MEI4: variants seen among roughly 807,000 people sequenced by gnomAD.
The protein encoded by MEI4 is meiosis-specific protein MEI4.
A neutral mutation model predicts 31.4 loss-of-function variants in MEI4; 27 were observed. The observed-to-expected ratio is 0.86, with a 90% confidence interval of 0.63 to 1.19. The LOEUF is 1.19. MEI4 is among the 50% of genes most tolerant of loss of function. The pLI, the probability that MEI4 is intolerant of heterozygous loss-of-function variation, is 0.00. For missense variants in MEI4, 329 were observed against 398.9 expected (o/e 0.82, Z 1.49); for synonymous variants, 122 against 145.4 (o/e 0.84, Z 1.16).
intron 1 of MEI4, among the ~76,000 whole-genome samples, chr6:77,662,479 A>G (rs1353371821): frequency 6.6e-6 from 1 of 152,210 alleles, no homozygotes; most frequent in African/African-American, 2.4e-5. Flanking sequence ...GAGACTCAAC[A>G]AAGAGTGAGT....
intron 2 of MEI4, among the ~76,000 whole-genome samples, chr6:77,707,889 G>T (rs982510506): frequency 6.6e-6 from 1 of 152,244 alleles, no homozygotes; most frequent in Non-Finnish European, 1.5e-5. Context: ...TACAATGGAA[G>T]AGTGAAGGAG....
chr6:77,872,464 A>G (rs1007311633), intron 4 of MEI4, among the ~76,000 whole-genome samples: 11 of 152,138 alleles, frequency 7.2e-5, no homozygotes, highest in African/African-American at 2.7e-4. Context: ...TCTAAAAATA[A>G]ATAAATGAAT....
intron 4 of MEI4, among the ~76,000 whole-genome samples, chr6:77,899,972 C>A (rs867089550): frequency 6.7e-6 from 1 of 150,008 alleles, no homozygotes; most frequent in Non-Finnish European, 1.5e-5. Flanking sequence ...TTGGGCTGAT[C>A]AAGAATTTTT....
At chr6:77,835,763 A>G (rs1770205115) in intron 4 of MEI4, among the ~76,000 whole-genome samples, 1 of 152,090 alleles carries the variant, frequency 6.6e-6, no homozygotes, top group African/African-American at 2.4e-5. Context: ...TGGATATAAC[A>G]TAAATTTCTA....
chr6:77,814,862 C>T (rs986340107), intron 3 of MEI4, among the ~76,000 whole-genome samples: 12 of 152,002 alleles, frequency 7.9e-5, no homozygotes, highest in South Asian at 4.1e-4. Flanking sequence ...TCTGTGATTC[C>T]GTGTTTCTTT....
At chr6:77,730,912 A>C (rs1766969129) in intron 2 of MEI4, among the ~76,000 whole-genome samples, 2 of 151,732 alleles carry the variant, frequency 1.3e-5, no homozygotes, top group South Asian at 4.2e-4. Flanking sequence ...TTTACTGAGA[A>C]TGCTGATTTC....
rs547650160 is a variant in MEI4 at position 77,658,412 on chromosome 6, G to A, written c.-15+5320G>A. On this transcript the variant is annotated intron_variant, in intron 1 of 4. Transcript: ENST00000684080. ...TACTTTAGGCCATCTGGATGTATAC[G>A]TGCAAGTCACAGGGGATGCGATGGC... Among the ~76,000 whole-genome samples, 97 of 152,206 alleles carry A rather than the reference G, an allele frequency of 6.4e-4. 1 individual carries two copies. Among genetic ancestry groups the A allele is most frequent in the African/African-American group, 2.2e-3 (92 of 41,536 alleles).
intron 2 of MEI4, among the ~76,000 whole-genome samples, chr6:77,701,737 A>T (rs1766228513): frequency 6.6e-6 from 1 of 152,148 alleles, no homozygotes; most frequent in African/African-American, 2.4e-5. Flanking sequence ...AAGTAAGAAA[A>T]AATCAAACTA....
Position 77,795,399 on chromosome 6 carries a change from A to G in MEI4, c.769-33532A>G, listed in dbSNP as rs546589107. ...TTCTTACAGTCATGCATGCACTCAC[A>G]TCAAAATACAAGCCTTTTGTCCTAC... On this transcript the variant is annotated intron_variant, in intron 3 of 4. Transcript: ENST00000684080. 1.1e-4 allele frequency among the ~76,000 whole-genome samples: 17 copies of G among 152,244 alleles called. 1 individual carries two copies. The South Asian group carries it at 3.5e-3, about 32-fold the overall frequency.
At chr6:77,885,581 G>GT (rs1237287778) in intron 4 of MEI4, among the ~76,000 whole-genome samples, 7 of 151,878 alleles carry the variant, frequency 4.6e-5, no homozygotes, top group East Asian at 1.9e-4. Flanking sequence ...GAGTTGTTAG[G>GT]TTTTTTTTAA....
rs1185144233 is a variant in MEI4 at position 77,925,764 on chromosome 6, TATATGATA to T, written c.*2423_*2430del. On this transcript the variant is annotated 3_prime_UTR_variant, in exon 5 of 5. Transcript: ENST00000684080. ...ACTATTTAATATAAGCTATAATAAA[TATATGATA>T]ATATATTTTATATGAGAGTAAATAT... The T allele has an allele frequency of 7.4e-5, 11 of 148,050 alleles. No homozygotes were observed. The highest frequency in any genetic ancestry group is 2.7e-4 in the African/African-American group (11 of 40,514). The allele number at this position is 148,050 out of a possible 1,614,324, so 9.2% of individuals were successfully genotyped here. A position where few individuals can be genotyped will look rare whatever the true frequency, so the allele number is the denominator to read the frequency against.
rs139945430 is a variant in MEI4 at position 77,771,832 on chromosome 6, G to A, written c.768+10167G>A. On this transcript the variant is annotated intron_variant, in intron 3 of 4. Transcript: ENST00000684080. ...GAGAAGACTAGAAAAAATACCTATTGAGCACTGTGCTTAGAACCTGGGTGA... is the reference window on the plus strand; with the variant it reads ...GAGAAGACTAGAAAAAATACCTATTAAGCACTGTGCTTAGAACCTGGGTGA... Among the ~76,000 whole-genome samples the A allele has an allele frequency of 1.4e-3, 213 of 152,032 alleles. 1 individual carries two copies. Among genetic ancestry groups the A allele is most frequent in the African/African-American group, 4.5e-3 (187 of 41,512 alleles).
In MEI4 at chr6:77,925,465, T is replaced by C. The variant is rs1485871799; in HGVS notation, c.*2119T>C. The C allele has an allele frequency of 6.6e-6, 1 of 151,720 alleles. No individual in the cohort carries two copies. Among genetic ancestry groups the C allele is most frequent in the East Asian group, 1.9e-4 (1 of 5,150 alleles). 9.4% of individuals were successfully genotyped at this position (151,720 alleles called of 1,614,324 possible). On this transcript the variant is annotated 3_prime_UTR_variant, in exon 5 of 5. Coordinates refer to ENST00000684080, the MANE Select transcript of MEI4 (RefSeq NM_001322247.2). ...TCTACTGGTCAAAAAGAAGATAAAA[T>C]GATAAAATGAGACATTTTTATCTGT...
At chr6:77,694,560 A>T (rs528048634) in intron 2 of MEI4, among the ~76,000 whole-genome samples, 1,541 of 151,920 alleles carry the variant, frequency 0.01, 26 homozygotes, top group African/African-American at 0.034. Context: ...ATGGTTTCCA[A>T]TTTTATCCAT....
chr6:77,733,897 T>G (rs1418111071), intron 2 of MEI4, among the ~76,000 whole-genome samples: 1 of 152,112 alleles, frequency 6.6e-6, no homozygotes, highest in Non-Finnish European at 1.5e-5. Flanking sequence ...CCAGTAGTCA[T>G]TCAGGAGCAT....
intron 3 of MEI4, among the ~76,000 whole-genome samples, chr6:77,812,265 ATTG>A (rs1283638272): frequency 6.6e-6 from 1 of 152,126 alleles, no homozygotes; most frequent in East Asian, 1.9e-4. Flanking sequence ...TTTTCCTATA[ATTG>A]TTAATGATCA....
intron 3 of MEI4, among the ~76,000 whole-genome samples, chr6:77,816,911 C>T (rs553092032): frequency 7.2e-5 from 11 of 152,084 alleles, no homozygotes; most frequent in Middle Eastern, 6.8e-3. Context: ...CAGGGCTTTG[C>T]GCAATGTTGT....
intron 3 of MEI4, among the ~76,000 whole-genome samples, chr6:77,793,095 G>C (rs1333617974): frequency 6.6e-6 from 1 of 152,050 alleles, no homozygotes; most frequent in Non-Finnish European, 1.5e-5. Context: ...TGACCATAGT[G>C]CATGGATTTT....
At chr6:77,716,687 G>A (rs1766588846) in intron 2 of MEI4, 1 of 161,196 alleles carries the variant, frequency 6.2e-6, no homozygotes, top group Non-Finnish European at 1.3e-5. Flanking sequence ...AGGTGAATTA[G>A]GTAGGATAAT....
Sources: gnomAD v4.1 joint callset for allele counts (sites outside exome capture counted in the v4.1 genomes callset) on GRCh38, gnomAD v4.1.1 for gene constraint, MANE v1.5 for transcripts, NCBI Gene and HGNC (gene_info 2026-07-23, HGNC 2026-07-21) for gene names.